Variants in GLI2 observed in about 807,000 individuals in gnomAD.
GLI2 encodes GLI family zinc finger 2, also known as transcription activator GLI2.
GLI2 carries 22 observed loss-of-function variants against 78.9 expected under a neutral mutation model. The ratio of observed to expected loss-of-function variants is 0.28; its 90% CI spans 0.20 to 0.40. The LOEUF is 0.40. Among genes scored for constraint, GLI2 ranks in the 10% least tolerant of loss-of-function variants. GLI2 has a pLI of 1.00. For missense variants in GLI2, 2,097 were observed against 2,213.2 expected, an observed-to-expected ratio of 0.95 and a Z score of 1.05; for synonymous variants, 974 against 963.7, an observed-to-expected ratio of 1.01 and a Z score of -0.20.
At chr2:120,971,884 T>C (rs201667281) in intron 7 of GLI2, 57 bp from the exon 8 acceptor site, 1 of 1,559,376 alleles carries the variant, frequency 6.4e-7, no homozygotes, top group Non-Finnish European at 8.8e-7. Context: ...CCAAAAAAAT[T>C]TGGGATATCC....
intron 1 of GLI2, among the ~76,000 whole-genome samples, chr2:120,741,869 C>CG (rs1682557389): frequency 6.6e-6 from 1 of 152,154 alleles, no homozygotes; most frequent in Non-Finnish European, 1.5e-5. Context: ...GGCGGGAGGC[C>CG]GGACTCTGCT....
chr2:120,947,511 A>G (rs781229909), intron 3 of GLI2, among the ~76,000 whole-genome samples: 1 of 152,160 alleles, frequency 6.6e-6, no homozygotes, highest in South Asian at 2.1e-4. Flanking sequence ...GGCTTCCTGG[A>G]GGAAGTGTCT....
At chr2:120,799,969 G>A (rs1487877957) in intron 2 of GLI2, among the ~76,000 whole-genome samples, 1 of 152,214 alleles carries the variant, frequency 6.6e-6, no homozygotes, top group Non-Finnish European at 1.5e-5. Flanking sequence ...AGCATCTGGT[G>A]CTGGGCCTGG....
At chr2:120,933,507 C>T (rs988109180) in intron 3 of GLI2, among the ~76,000 whole-genome samples, 2 of 152,108 alleles carry the variant, frequency 1.3e-5, no homozygotes, top group African/African-American at 2.4e-5. Flanking sequence ...AAGAGAAGGC[C>T]GGCTGTGAAT....
chr2:120,962,916 T>TC (rs1207061385), intron 5 of GLI2, among the ~76,000 whole-genome samples: 10 of 152,332 alleles, frequency 6.6e-5, no homozygotes, highest in Admixed American at 5.9e-4. Context: ...AGGTGGTTTT[T>TC]CCCCTCACAT....
At chr2:120,970,353 G>C (rs748956852) in intron 6 of GLI2, 40 bp from the exon 7 acceptor site, 1 of 1,079,378 alleles carries the variant, frequency 9.3e-7, no homozygotes, top group South Asian at 1.3e-5. Flanking sequence ...GAGAGCTCCC[G>C]ATCCCCCACC....
intron 3 of GLI2, among the ~76,000 whole-genome samples, chr2:120,947,536 G>A (rs11884589): frequency 0.022 from 3,361 of 152,302 alleles, 131 homozygotes; most frequent in African/African-American, 0.078. Context: ...AGTCATTGAT[G>A]GCTACGATGG....
At chr2:120,945,779 T>C (rs1434329619) in intron 3 of GLI2, among the ~76,000 whole-genome samples, 1 of 152,158 alleles carries the variant, frequency 6.6e-6, no homozygotes, top group Non-Finnish European at 1.5e-5. Flanking sequence ...CCAAAGCTGC[T>C]GTGTTGGGCA....
chr2:120,942,029 T>C (rs896793761), intron 3 of GLI2, among the ~76,000 whole-genome samples: 1 of 152,182 alleles, frequency 6.6e-6, no homozygotes, highest in African/African-American at 2.4e-5. Context: ...GAGCATCTAC[T>C]GGAACCTGGT....
chr2:120,906,559 A>G (rs1176292621), intron 2 of GLI2, among the ~76,000 whole-genome samples: 2 of 151,928 alleles, frequency 1.3e-5, no homozygotes, highest in Non-Finnish European at 2.9e-5. Flanking sequence ...GCCGTGTACA[A>G]TCTCGTCCTC....
Position 120,942,957 on chromosome 2 carries a change from CATTCG to C in GLI2, c.255-8285_255-8281del, listed in dbSNP as rs1201828762. 5.8e-4 allele frequency among the ~76,000 whole-genome samples: 87 copies of C among 150,878 alleles called. 1 individual carries two copies. Among genetic ancestry groups the C allele is most frequent in the African/African-American group, 2.1e-3 (85 of 40,182 alleles). ...TCACACCCTCACTCACTCATTCATT[CATTCG>C]TTCACGCCCTCACTCACTCATTCAT... On this transcript the variant is annotated intron_variant, in intron 3 of 13. Coordinates refer to ENST00000361492, the MANE Select transcript of GLI2 (RefSeq NM_001374353.1).
intron 1 of GLI2, among the ~76,000 whole-genome samples, chr2:120,765,305 C>T (rs559273511): frequency 7.7e-4 from 118 of 152,354 alleles, no homozygotes; most frequent in African/African-American, 2.8e-3. Context: ...TTTCCTTGCA[C>T]TTCTAAGGAC....
chr2:120,871,284 T>C (rs540769381), intron 2 of GLI2, among the ~76,000 whole-genome samples: 1 of 145,134 alleles, frequency 6.9e-6, no homozygotes, highest in South Asian at 2.2e-4. Flanking sequence ...AAGATAGGGC[T>C]GTACTTCCCT....
chr2:120,958,970 T>C (rs1183968158), intron 5 of GLI2, among the ~76,000 whole-genome samples: 2 of 152,256 alleles, frequency 1.3e-5, no homozygotes, highest in East Asian at 3.9e-4. Flanking sequence ...AATGAGTGAA[T>C]GGCACTTAGA....
At chr2:120,942,751 T>A (rs917521285) in intron 3 of GLI2, among the ~76,000 whole-genome samples, 3 of 152,228 alleles carry the variant, frequency 2.0e-5, no homozygotes. Flanking sequence ...CCATGTCTTC[T>A]GCAGTAGTGT....
chr2:120,907,764 C>G (rs145094051), intron 2 of GLI2, among the ~76,000 whole-genome samples: 3 of 152,112 alleles, frequency 2.0e-5, no homozygotes, highest in Admixed American at 6.5e-5. Flanking sequence ...CATAACCCCC[C>G]CAACACACAC....
chr2:120,799,767 C>G (rs931184060), intron 2 of GLI2, among the ~76,000 whole-genome samples: 2 of 152,160 alleles, frequency 1.3e-5, no homozygotes, highest in Non-Finnish European at 2.9e-5. Flanking sequence ...AGCAAGAATC[C>G]TCATGTATTC....
Position 120,951,264 on chromosome 2 carries a change from C to T in GLI2, c.276C>T (p.Ser92=), listed in dbSNP as rs1323424391. The T allele has an allele frequency of 6.2e-7, 1 of 1,611,120 alleles. No individual in the cohort carries two copies. The highest frequency in any genetic ancestry group is 8.5e-7 in the Non-Finnish European group (1 of 1,177,470). ...GVHGPPALSG[S]PVISDISLIR... ...GCAGGCCCCCTGCCCTCAGCGGCAG[C>T]CCTGTCATCTCTGACATCTCCTTGA... Residue 92 remains serine, a synonymous_variant, in exon 4 of 14, where the codon AGC becomes AGT. Transcript: ENST00000361492.
chr2:120,893,507 C>T (rs1677782138), intron 2 of GLI2, among the ~76,000 whole-genome samples: 1 of 152,074 alleles, frequency 6.6e-6, no homozygotes, highest in South Asian at 2.1e-4. Flanking sequence ...CTCAGTTCCC[C>T]TATAGAAAAC....
Sources: gnomAD v4.1 joint callset for allele counts (sites outside exome capture counted in the v4.1 genomes callset) on GRCh38, gnomAD v4.1.1 for gene constraint, MANE v1.5 for transcripts, NCBI Gene and HGNC (gene_info 2026-07-23, HGNC 2026-07-21) for gene names.